Variants in ATP1A4 observed in about 807,000 individuals in gnomAD.
ATP1A4 encodes ATPase Na+/K+ transporting subunit alpha 4.
In ATP1A4, 90 loss-of-function variants were observed where a neutral mutation model predicts 114.3. The observed-to-expected ratio is 0.79, with a 90% CI of 0.66 to 0.94. ATP1A4 has a LOEUF of 0.94. Ranked by LOEUF, ATP1A4 falls within the 40% of genes least tolerant of loss-of-function variation. ATP1A4 has a pLI of 0.00. For synonymous variants in ATP1A4, 511 were observed against 494.1 expected, an observed-to-expected ratio of 1.03 and a Z score of -0.45; for missense variants, 1,222 against 1,313.6, an observed-to-expected ratio of 0.93 and a Z score of 1.08.
Position 160,165,692 on chromosome 1 carries a change from C to T in ATP1A4, c.1048-836C>T, listed in dbSNP as rs113218809. 2.1e-3 allele frequency among the ~76,000 whole-genome samples: 312 copies of T among 151,980 alleles called. 1 individual carries two copies. Among genetic ancestry groups the T allele is most frequent in the African/African-American group, 6.5e-3 (271 of 41,468 alleles). On this transcript the variant is annotated intron_variant, in intron 7 of 21. Transcript: ENST00000368081. ...GCAGGAGAATGGCTTGAACCTGGGA[C>T]GTGGAGTTTGCAGTCAGCAGAGATC... is the stretch of plus-strand genomic sequence containing the variant.
intron 12 of ATP1A4, 33 bp downstream of exon 12, chr1:160,171,790 C>G: frequency 6.2e-7 from 1 of 1,602,466 alleles, no homozygotes; most frequent in Non-Finnish European, 8.5e-7. Context: ...AGCCCCTCAC[C>G]TGTCACAAGT....
In ATP1A4 at chr1:160,155,173, A is replaced by C; in HGVS notation, c.336A>C (p.Leu112=). 1 of 1,612,444 alleles carries C rather than the reference A, an allele frequency of 6.2e-7. No homozygotes were observed. Among genetic ancestry groups the C allele is most frequent in the Non-Finnish European group, 8.5e-7 (1 of 1,179,798 alleles). Residue 112 remains leucine (L), a synonymous_variant, in exon 3 of 22, where the codon CTA becomes CTC. Transcript: ENST00000368081. ...TGTTCGGAGGCTTCTCCCTCCTACT[A>C]TGGACTGGGGCCATTCTCTGCTTTG... ...KQLFGGFSLL[L]WTGAILCFVA...
At chr1:160,158,764 TAG>T (rs1652763714) in intron 4 of ATP1A4, among the ~76,000 whole-genome samples, 1 of 151,966 alleles carries the variant, frequency 6.6e-6, no homozygotes, top group Non-Finnish European at 1.5e-5. Flanking sequence ...GGTTTAGGGG[TAG>T]AGAGATAGAC....
intron 6 of ATP1A4, among the ~76,000 whole-genome samples, chr1:160,160,852 T>C (rs955480641): frequency 6.6e-6 from 1 of 152,168 alleles, no homozygotes; most frequent in African/African-American, 2.4e-5. Flanking sequence ...ATAAAATACA[T>C]ATATTAAAAA....
Position 160,152,072 on chromosome 1 carries a change from C to T in ATP1A4, c.32C>T (p.Ala11Val), listed in dbSNP as rs745547071. ...CTTTGGGGGAAGAAAGGGACAGTGG[C>T]TCCCCATGACCAGAGTCCAAGACGA... The part of the protein sequence containing the change: MGLWGKKGTV[A>V]PHDQSPRRRP... The change falls in exon 1 of 22, where the codon GCT becomes GTT. Residue 11 changes from alanine (A) to valine (V), a missense_variant. Ala to Val is a moderately conservative substitution (Grantham distance 64). Transcript: ENST00000368081. The T allele has an allele frequency of 6.2e-7, 1 of 1,613,900 alleles. No homozygotes were observed. The highest frequency in any genetic ancestry group is 8.5e-7 in the Non-Finnish European group (1 of 1,179,942).
intron 2 of ATP1A4, among the ~76,000 whole-genome samples, 185 bp from the exon 3 acceptor site, chr1:160,154,860 T>C (rs1476513984): frequency 6.6e-6 from 1 of 152,202 alleles, no homozygotes; most frequent in Non-Finnish European, 1.5e-5. Context: ...GCATGCTAAA[T>C]GACATCCCTC....
rs1653051818 is a variant in ATP1A4, at chr1:160,166,706, A to T, written c.1226A>T (p.Asp409Val). The change falls in exon 8 of 22, where the codon GAC becomes GTC. Residue 409 changes from aspartate (D) to valine (V), a missense_variant. By Grantham distance (152) the Asp-to-Val change is radical. Coordinates refer to ENST00000368081, the MANE Select transcript of ATP1A4 (RefSeq NM_144699.4). ...MWFDMTVYEA[D>V]TTEEQTGKTF... ...TTTGATATGACCGTGTATGAGGCCG[A>T]CACCACTGAAGAACAGACTGGTGAC... The T allele has an allele frequency of 6.2e-7, 1 of 1,614,072 alleles. No individual in the cohort carries two copies. Among genetic ancestry groups the T allele is most frequent in the South Asian group, 1.1e-5 (1 of 91,082 alleles).
chr1:160,163,512 A>G (rs1268674321), intron 6 of ATP1A4, among the ~76,000 whole-genome samples: 1 of 152,164 alleles, frequency 6.6e-6, no homozygotes, highest in Non-Finnish European at 1.5e-5. Flanking sequence ...ACCCATTATT[A>G]TAAAGGATAT....
chr1:160,184,216 G>A (rs1306413465), intron 20 of ATP1A4, among the ~76,000 whole-genome samples: 1 of 152,056 alleles, frequency 6.6e-6, no homozygotes, highest in Non-Finnish European at 1.5e-5. Context: ...CTCCCAAAGT[G>A]CTGGGATTAC....
rs1051463471 is a variant in ATP1A4, at chr1:160,182,026, A to G, written c.2964A>G (p.Pro988=). The part of the protein sequence containing the change: ...PGMDVALRMY[P]LKITWWLCAI... ...TGGACGTGGCCCTGCGAATGTACCCACTCAAGTGAGTAAGGGAAGGGATGC... is the reference window on the plus strand; with the variant it reads ...TGGACGTGGCCCTGCGAATGTACCCGCTCAAGTGAGTAAGGGAAGGGATGC... The change falls in exon 20 of 22, where the codon CCA becomes CCG. Residue 988 remains proline, a synonymous_variant. Coordinates refer to ENST00000368081, the MANE Select transcript of ATP1A4 (RefSeq NM_144699.4). The G allele has an allele frequency of 6.2e-7, 1 of 1,613,060 alleles. No individual in the cohort carries two copies.
Position 160,164,170 on chromosome 1 carries a change from A to G in ATP1A4, c.793A>G (p.Ile265Val), listed in dbSNP as rs1269899195. The change falls in exon 7 of 22, where the codon ATT becomes GTT. Residue 265 changes from isoleucine to valine, a missense_variant. Coordinates refer to ENST00000368081, the MANE Select transcript of ATP1A4 (RefSeq NM_144699.4). The part of the protein sequence containing the change: ...TNCVEGTARG[I>V]VIATGDSTVM... ...TTCATCCACAGGAACCGCCCGGGGT[A>G]TTGTGATTGCTACGGGAGACTCCAC... 1.2e-6 allele frequency: 2 copies of G among 1,614,040 alleles called. No individual in the cohort carries two copies. Among genetic ancestry groups the G allele is most frequent in the African/African-American group, 1.3e-5 (1 of 74,938 alleles).
chr1:160,174,001 G>A (rs1653359631), intron 13 of ATP1A4, 110 bp from the exon 14 acceptor site: 1 of 1,343,742 alleles, frequency 7.4e-7, no homozygotes, highest in South Asian at 1.4e-5. Flanking sequence ...GGACAAGTGA[G>A]GAGACTAGGT....
At chr1:160,186,508 C>A in intron 21 of ATP1A4, 141 bp downstream of exon 21, 1 of 1,038,246 alleles carries the variant, frequency 9.6e-7, no homozygotes, top group South Asian at 1.4e-5. Flanking sequence ...GGAGCCGAGA[C>A]CTCTCTACCC....
intron 20 of ATP1A4, among the ~76,000 whole-genome samples, chr1:160,185,778 G>C (rs569816874): frequency 6.6e-6 from 1 of 151,876 alleles, no homozygotes; most frequent in Admixed American, 6.6e-5. Context: ...AATTAGCCGG[G>C]CATGGTGGAA....
chr1:160,167,673 T>C (rs995492352), intron 10 of ATP1A4, among the ~76,000 whole-genome samples: 1 of 152,196 alleles, frequency 6.6e-6, no homozygotes, highest in Non-Finnish European at 1.5e-5. Flanking sequence ...AAGCGAGTCA[T>C]AAAATCCTCT....
chr1:160,171,636 A>T lies in ATP1A4; in HGVS notation c.1733A>T (p.Asn578Ile). 1 of 1,614,194 alleles carries T rather than the reference A, an allele frequency of 6.2e-7. No homozygotes were observed. The highest frequency in any genetic ancestry group is 8.5e-7 in the Non-Finnish European group (1 of 1,180,034). The change falls in exon 12 of 22, where the codon AAT (asparagine) becomes ATT (isoleucine). Residue 578 changes from asparagine to isoleucine, a missense_variant. Coordinates refer to ENST00000368081, the MANE Select transcript of ATP1A4 (RefSeq NM_144699.4). ...PSSFSKGFPFNTDEINFPMDN... is the reference protein window; with the variant it reads ...PSSFSKGFPFITDEINFPMDN... ...AGCTTCTCCAAGGGATTCCCATTTA[A>T]TACAGATGAAATAAATTTCCCCATG... is the stretch of plus-strand genomic sequence containing the variant.
At chr1:160,162,414 A>G (rs1652894081) in intron 6 of ATP1A4, among the ~76,000 whole-genome samples, 1 of 152,176 alleles carries the variant, frequency 6.6e-6, no homozygotes, top group African/African-American at 2.4e-5. Context: ...TGGAGAGGAA[A>G]GAGGGACCTC....
chr1:160,180,106 A>T (rs547426099), intron 18 of ATP1A4, among the ~76,000 whole-genome samples: 22 of 152,310 alleles, frequency 1.4e-4, no homozygotes, highest in African/African-American at 4.3e-4. Flanking sequence ...AAAAACAAGG[A>T]CAGAAGTAAT....
chr1:160,183,009 C>T (rs1653762961), intron 20 of ATP1A4: 2 of 152,246 alleles, frequency 1.3e-5, no homozygotes, highest in Admixed American at 1.3e-4. Flanking sequence ...CTCTACTCTG[C>T]TCACCTTTCC....
Sources: allele counts gnomAD v4.1 joint callset (sites outside exome capture counted in the v4.1 genomes callset), GRCh38; gene constraint gnomAD v4.1.1; transcripts MANE v1.5; gene names NCBI Gene and HGNC (gene_info 2026-07-23, HGNC 2026-07-21).